TRPV2: variants seen among roughly 807,000 people sequenced by gnomAD.
TRPV2 encodes the protein OTRPC2.
Under a neutral mutation model 91.0 loss-of-function variants are expected in TRPV2, and 58 were observed. That is an observed-to-expected ratio of 0.64 (90% CI 0.52 to 0.79). The LOEUF is 0.79. Among genes scored for constraint, TRPV2 ranks in the 30% least tolerant of loss-of-function variants. TRPV2 has a pLI of 0.00. For missense variants in TRPV2, 807 were observed against 969.6 expected, an observed-to-expected ratio of 0.83 and a Z score of 2.23; for synonymous variants, 417 against 414.8, an observed-to-expected ratio of 1.01 and a Z score of -0.06.
chr17:16,419,029 CA>C lies in TRPV2; in HGVS notation c.201-1071del, dbSNP rs746511644. Reference sequence around the variant, plus strand: ...CTGGGTGTCAGTGTGACTCTGTCTCCAAAAAAAAAAAAAAAGTGACGGATCC... The same window carrying C: ...CTGGGTGTCAGTGTGACTCTGTCTCCAAAAAAAAAAAAAAGTGACGGATCC... On this transcript the variant is annotated intron_variant, in intron 2 of 14. Coordinates refer to ENST00000338560, the MANE Select transcript of TRPV2 (RefSeq NM_016113.5). Among the ~76,000 whole-genome samples the C allele has an allele frequency of 3.1e-3, 405 of 130,130 alleles. 1 individual carries two copies. The highest frequency in any genetic ancestry group is 4.3e-3 in the Admixed American group (56 of 12,892). The allele number at this position is 130,130 out of a possible 152,430, so 85.4% of individuals were successfully genotyped here. A position where few individuals can be genotyped will look rare whatever the true frequency, so the allele number is the denominator to read the frequency against.
In TRPV2 at chr17:16,423,480, C is replaced by G; in HGVS notation, c.637C>G (p.Leu213Val). Residue 213 changes from leucine (L) to valine (V), a missense_variant, in exon 5 of 15, where the codon CTC becomes GTC. By Grantham distance (32) the Leu-to-Val change is conservative (BLOSUM62 1). Coordinates refer to ENST00000338560, the MANE Select transcript of TRPV2 (RefSeq NM_016113.5). ...GTCFYFGELP[L>V]SLAACTKQWD... ...CTCTTGGCCTGCAGGTGAGCTACCC[C>G]TCTCTTTGGCCGCTTGCACCAAGCA... The G allele has an allele frequency of 3.1e-6, 5 of 1,606,470 alleles. No homozygotes were observed. The highest frequency in any genetic ancestry group is 2.7e-5 in the African/African-American group (2 of 74,972).
chr17:16,426,582 C>T lies in TRPV2; in HGVS notation c.1096-140C>T. 1.9e-6 allele frequency: 2 copies of T among 1,039,252 alleles called. No homozygotes were observed. Among genetic ancestry groups the T allele is most frequent in the Non-Finnish European group, 2.7e-6 (2 of 734,354 alleles). The allele number at this position is 1,039,252 out of a possible 1,614,324, so 64.4% of individuals were successfully genotyped here. A position where few individuals can be genotyped will look rare whatever the true frequency, so the allele number is the denominator to read the frequency against. On this transcript the variant is annotated intron_variant, in intron 6 of 14. Transcript: ENST00000338560. The surrounding 1 kb of genome is among the most constrained non-coding windows in gnomAD (Gnocchi z 6.0). ...TAGCTGGGAGGGTTGGCGTGAGGTC[C>T]TTTGGGGCTCCTGGGGTGTGGAAGC...
rs2093338623 is a variant in TRPV2, at chr17:16,417,832, G to C, written c.164G>C (p.Arg55Thr). Residue 55 changes from arginine to threonine, a missense_variant, in exon 2 of 15, where the codon AGA becomes ACA. Transcript: ENST00000338560. ...GEDRKFAPQI[R>T]VNLNYRKGTG... ...GACCGGAAATTCGCCCCTCAGATAA[G>C]AGTCAACCTCAACTACCGAAAGGGA... is the stretch of plus-strand genomic sequence containing the variant. 1 of 1,614,180 alleles carries C rather than the reference G, an allele frequency of 6.2e-7. No homozygotes were observed. Among genetic ancestry groups the C allele is most frequent in the Non-Finnish European group, 8.5e-7 (1 of 1,180,002 alleles).
At chr17:16,417,148 G>C (rs761804507) in intron 1 of TRPV2, among the ~76,000 whole-genome samples, 6 of 152,018 alleles carry the variant, frequency 3.9e-5, no homozygotes, top group Non-Finnish European at 7.4e-5. Context: ...CATCCCTCCT[G>C]GCCCACTTCC....
intron 4 of TRPV2, among the ~76,000 whole-genome samples, 194 bp downstream of exon 4, chr17:16,423,083 A>C (rs1277005199): frequency 3.3e-5 from 5 of 152,214 alleles, no homozygotes; most frequent in African/African-American, 1.2e-4. Flanking sequence ...CCTGGGTTCT[A>C]ACAATCCTCC....
intron 2 of TRPV2, among the ~76,000 whole-genome samples, chr17:16,419,730 C>T (rs76471333): frequency 5.9e-5 from 9 of 152,318 alleles, no homozygotes; most frequent in African/African-American, 1.9e-4. Flanking sequence ...CTCCCACAGC[C>T]CTATCCAGAT....
chr17:16,434,519 G>A lies in TRPV2; in HGVS notation c.2115-371G>A, dbSNP rs77772649. On this transcript the variant is annotated intron_variant, in intron 13 of 14. Transcript: ENST00000338560. ...AGCAACAAAAAAAACAGACACTGTC[G>A]TGAGGCAGCAGATGAGCAGAGAGAC... 9.5e-3 allele frequency among the ~76,000 whole-genome samples: 1,445 copies of A among 151,936 alleles called. 23 individuals carry two copies. Among genetic ancestry groups the A allele is most frequent in the African/African-American group, 0.033 (1,357 of 41,432 alleles).
chr17:16,423,714 A>G lies in TRPV2; in HGVS notation c.871A>G (p.Asn291Asp). 1 of 1,610,730 alleles carries G rather than the reference A, an allele frequency of 6.2e-7. No homozygotes were observed. Among genetic ancestry groups the G allele is most frequent in the Non-Finnish European group, 8.5e-7 (1 of 1,177,680 alleles). ...CPTVQLEDIR[N>D]LQDLTPLKLA... ...TACCGTGCAGCTTGAGGACATCCGCAACCTGCAGGATCTCACGCCTCTGAA... is the reference window on the plus strand; with the variant it reads ...TACCGTGCAGCTTGAGGACATCCGCGACCTGCAGGATCTCACGCCTCTGAA... Residue 291 changes from asparagine (N) to aspartate (D), a missense_variant, in exon 5 of 15, where the codon AAC becomes GAC. Coordinates refer to ENST00000338560, the MANE Select transcript of TRPV2 (RefSeq NM_016113.5).
At chr17:16,434,336 C>T (rs867487688) in intron 13 of TRPV2, among the ~76,000 whole-genome samples, 10 of 151,972 alleles carry the variant, frequency 6.6e-5, no homozygotes, top group South Asian at 6.2e-4. Flanking sequence ...GGCGTGGTGG[C>T]GGGCGCCTGT....
At chr17:16,421,489 G>C (rs2093356807) in intron 3 of TRPV2, among the ~76,000 whole-genome samples, 1 of 150,544 alleles carries the variant, frequency 6.6e-6, no homozygotes. Context: ...AAAATGCTGG[G>C]ATTACAGGCG....
chr17:16,436,966 G>C lies in TRPV2; in HGVS notation c.*77G>C. On this transcript the variant is annotated 3_prime_UTR_variant, in exon 15 of 15. Transcript: ENST00000338560. ...CACATCTGCTGGCTCTGGGGTCCCA[G>C]TGAATTCTGGTGGCAAATATATATT... 1 of 1,100,082 alleles carries C rather than the reference G, an allele frequency of 9.1e-7. No individual in the cohort carries two copies. Among genetic ancestry groups the C allele is most frequent in the South Asian group, 1.3e-5 (1 of 78,674 alleles). 68.1% of individuals were successfully genotyped at this position (1,100,082 alleles called of 1,614,324 possible). A position where few individuals can be genotyped will look rare whatever the true frequency, so the allele number is the denominator to read the frequency against.
intron 9 of TRPV2, 182 bp downstream of exon 9, chr17:16,428,569 A>T (rs2093395768): frequency 1.4e-6 from 1 of 735,808 alleles, no homozygotes; most frequent in Non-Finnish European, 2.3e-6. Context: ...TTGTGCTCCC[A>T]TCACTGTAGA....
At chr17:16,419,257 C>T (rs1568903354) in intron 2 of TRPV2, 1 of 466,508 alleles carries the variant, frequency 2.1e-6, no homozygotes, top group South Asian at 1.6e-5. Flanking sequence ...TGACTCATGC[C>T]CTTCCCACTT....
chr17:16,434,965 CCCTCGTGAGTAG>C lies in TRPV2; in HGVS notation c.2194_2194+11del, dbSNP rs1177741146. On this transcript the variant is annotated splice_donor_variant and splice_donor_5th_base_variant and coding_sequence_variant and intron_variant, in exon 14 of 15. Transcript: ENST00000338560. LOFTEE classifies it high-confidence loss of function. ...GTGAGGACCCGTCAGGGGCAGGTGT[CCCTCGTGAGTAG>C]CCTGGTGACTAGAGCCTCTGCCCTG... 1 of 1,609,726 alleles carries C rather than the reference CCCTCGTGAGTAG, an allele frequency of 6.2e-7. No individual in the cohort carries two copies. The highest frequency in any genetic ancestry group is 1.3e-5 in the African/African-American group (1 of 74,732).
chr17:16,421,408 C>T (rs756373001), intron 3 of TRPV2, among the ~76,000 whole-genome samples: 9 of 151,322 alleles, frequency 5.9e-5, no homozygotes, highest in Non-Finnish European at 1.0e-4. Context: ...TTAGTAGAGA[C>T]AGGGTTTCAC....
chr17:16,423,458 T>C lies in TRPV2; in HGVS notation c.626-11T>C, dbSNP rs148895581. On this transcript the variant is annotated splice_polypyrimidine_tract_variant and intron_variant, in intron 4 of 14. Transcript: ENST00000338560. Reference sequence around the variant, plus strand: ...GAGGCCTGGGGCCCAAGCTGCTCTCTTGGCCTGCAGGTGAGCTACCCCTCT... The same window carrying C: ...GAGGCCTGGGGCCCAAGCTGCTCTCCTGGCCTGCAGGTGAGCTACCCCTCT... 86 of 1,589,096 alleles carry C rather than the reference T, an allele frequency of 5.4e-5. 1 individual carries two copies. In the African/African-American group the frequency reaches 8.6e-4, roughly 16 times the overall value.
intron 12 of TRPV2, 130 bp downstream of exon 12, chr17:16,432,430 T>C (rs1185527269): frequency 2.1e-5 from 15 of 710,800 alleles, no homozygotes; most frequent in Admixed American, 3.2e-5. Context: ...CTTGTCAGTC[T>C]TCCTCTTCCT....
At chr17:16,420,093 T>A (rs756237666) in intron 2 of TRPV2, 22 bp from the exon 3 acceptor site, 10 of 1,607,182 alleles carry the variant, frequency 6.2e-6, no homozygotes, top group Non-Finnish European at 6.0e-6. Flanking sequence ...CCAGCATGAG[T>A]CACAAACCAC....
rs2093429634 is a variant in TRPV2, at chr17:16,435,029, C to A, written c.2194+60C>A. On this transcript the variant is annotated intron_variant, in intron 14 of 14. Coordinates refer to ENST00000338560, the MANE Select transcript of TRPV2 (RefSeq NM_016113.5). This position sits in a 1 kb window ranked among gnomAD's most constrained non-coding sequence, Gnocchi z 4.2. ...GGTGTGTGTCTCTGCTGCTTGGCCA[C>A]AAAGCCTTGGAGAGTCTGGGGCAGG... 4 of 1,489,810 alleles carry A rather than the reference C, an allele frequency of 2.7e-6. No individual in the cohort carries two copies. The East Asian group carries it at 9.6e-5, about 36-fold the overall frequency. The allele number at this position is 1,489,810 out of a possible 1,614,324, so 92.3% of individuals were successfully genotyped here.
Sources: allele counts gnomAD v4.1 joint callset (sites outside exome capture counted in the v4.1 genomes callset), GRCh38; gene constraint gnomAD v4.1.1; non-coding constraint Gnocchi (gnomAD v3.1); transcripts MANE v1.5; gene names NCBI Gene and HGNC (gene_info 2026-07-23, HGNC 2026-07-21).